The following TSPEAR variants were observed in gnomAD, a reference collection of about 807,000 sequenced individuals.
The protein encoded by TSPEAR is thrombospondin type laminin G domain and EAR repeats.
TSPEAR carries 69 observed loss-of-function variants against 71.6 expected under a neutral mutation model. The ratio of observed to expected loss-of-function variants is 0.96; its 90% CI spans 0.79 to 1.18. The LOEUF is 1.18. Ranked by LOEUF, TSPEAR falls within the 50% of genes most tolerant of loss-of-function variation. TSPEAR has a pLI of 0.00. For synonymous variants in TSPEAR, 402 were observed against 387.2 expected (o/e 1.04, Z -0.45); for missense variants, 971 against 894.9 (o/e 1.09, Z -1.09).
intron 11 of TSPEAR, among the ~76,000 whole-genome samples, chr21:44,501,734 C>T (rs1311046317): frequency 1.3e-5 from 2 of 152,180 alleles, no homozygotes; most frequent in African/African-American, 2.4e-5. Flanking sequence ...CACTGCACTT[C>T]AGCCTGGGCT....
chr21:44,638,878 A>T (rs1447675674), intron 1 of TSPEAR, among the ~76,000 whole-genome samples: 1 of 151,932 alleles, frequency 6.6e-6, no homozygotes, highest in Non-Finnish European at 1.5e-5. Context: ...TCCACCCAGC[A>T]GCCTCACCCC....
At chr21:44,699,184 G>A (rs1209422776) in intron 1 of TSPEAR, among the ~76,000 whole-genome samples, 1 of 151,994 alleles carries the variant, frequency 6.6e-6, no homozygotes, top group Non-Finnish European at 1.5e-5. Context: ...ACGACAGAGT[G>A]AGACCCTGTC....
chr21:44,646,192 A>C (rs1325986327), intron 1 of TSPEAR, among the ~76,000 whole-genome samples: 1 of 151,916 alleles, frequency 6.6e-6, no homozygotes, highest in Non-Finnish European at 1.5e-5. Flanking sequence ...GCCAAAATAA[A>C]AACTGATGAA....
At position 44,630,789 on chromosome 21, in the gene TSPEAR, T is replaced by G. The variant is rs143159967; in HGVS notation, c.83-62784A>C. On this transcript the variant is annotated intron_variant, in intron 1 of 11. Coordinates refer to ENST00000323084, the MANE Select transcript of TSPEAR (RefSeq NM_144991.3). ...TAAAGACTGGGAAAAAAACATCTTT[T>G]GACTCCAGGTGTTTAAGAAACTCTG... Among the ~76,000 whole-genome samples, 517 of 152,346 alleles carry G rather than the reference T, an allele frequency of 3.4e-3. 2 individuals carry two copies. The highest frequency in any genetic ancestry group is 5.8e-3 in the Non-Finnish European group (393 of 68,038).
At chr21:44,690,359 GA>G (rs1987076159) in intron 1 of TSPEAR, among the ~76,000 whole-genome samples, 1 of 152,158 alleles carries the variant, frequency 6.6e-6, no homozygotes, top group Non-Finnish European at 1.5e-5. Flanking sequence ...GTGATGCCAA[GA>G]AAAATGAACG....
intron 1 of TSPEAR, among the ~76,000 whole-genome samples, chr21:44,611,020 C>G (rs1341859577): frequency 1.3e-5 from 2 of 152,140 alleles, no homozygotes; most frequent in Non-Finnish European, 2.9e-5. Flanking sequence ...TAGGAAGAAA[C>G]TAGCTTGTTT....
chr21:44,651,979 CTTTTTTTT>C (rs60867977), intron 1 of TSPEAR, among the ~76,000 whole-genome samples: 2 of 124,522 alleles, frequency 1.6e-5, no homozygotes, highest in East Asian at 2.4e-4. Flanking sequence ...ATAAAACTTT[CTTTTTTTT>C]TTTTTTTTTT....
At chr21:44,676,985 CT>C in intron 1 of TSPEAR, 1 of 929,954 alleles carries the variant, frequency 1.1e-6, no homozygotes, top group Non-Finnish European at 1.8e-6. Context: ...ACGCTCATTC[CT>C]TTCCACCCAG....
intron 5 of TSPEAR, 41 bp downstream of exon 5, chr21:44,529,757 C>T (rs1569167072): frequency 6.2e-7 from 1 of 1,610,830 alleles, no homozygotes. Context: ...AGGGCTCTCG[C>T]ATCTGCCTTT....
Position 44,498,703 on chromosome 21 carries a change from C to T in TSPEAR, c.*1080G>A, listed in dbSNP as rs1234649518. On this transcript the variant is annotated 3_prime_UTR_variant, in exon 12 of 12. Coordinates refer to ENST00000323084, the MANE Select transcript of TSPEAR (RefSeq NM_144991.3). ...CACATTGTAAACTCTCTGAGGATCG[C>T]TCCTGTTCCGATTTGTGTTGCAGAA... 3 of 152,318 alleles carry T rather than the reference C, an allele frequency of 2.0e-5. No homozygotes were observed. Among genetic ancestry groups the T allele is most frequent in the African/African-American group, 2.4e-5 (1 of 41,456 alleles). 9.4% of individuals were successfully genotyped at this position (152,318 alleles called of 1,614,324 possible).
chr21:44,544,616 G>A (rs1340632495), intron 2 of TSPEAR, among the ~76,000 whole-genome samples: 1 of 152,160 alleles, frequency 6.6e-6, no homozygotes. Flanking sequence ...TGTTTTATTA[G>A]GCCATCATAA....
At position 44,525,824 on chromosome 21, in the gene TSPEAR, C is replaced by T. The variant is rs1216849745; in HGVS notation, c.1165G>A (p.Ala389Thr). Reference sequence around the variant, plus strand: ...CCCTTCTCATCTGGTTCAAAATTAGCCACTGCCAGGAAGATCTGAAAGAGA... The same window carrying T: ...CCCTTCTCATCTGGTTCAAAATTAGTCACTGCCAGGAAGATCTGAAAGAGA... ...TIGKKIFLAV[A>T]NFEPDEKGQE... Residue 389 changes from alanine to threonine, a missense_variant, in exon 8 of 12, where the codon GCT (alanine) becomes ACT (threonine). By Grantham distance (58) the Ala-to-Thr change is moderately conservative (BLOSUM62 0). Coordinates refer to ENST00000323084, the MANE Select transcript of TSPEAR (RefSeq NM_144991.3). 5.0e-6 allele frequency: 8 copies of T among 1,613,950 alleles called. No individual in the cohort carries two copies. The African/African-American group carries it at 8.0e-5, about 16-fold the overall frequency.
intron 1 of TSPEAR, among the ~76,000 whole-genome samples, chr21:44,628,898 A>C (rs1983080124): frequency 6.6e-6 from 1 of 151,620 alleles, no homozygotes; most frequent in African/African-American, 2.4e-5. Context: ...AGAGCAGAGA[A>C]CAGACACGTG....
chr21:44,513,891 G>T (rs1250896137), intron 9 of TSPEAR, among the ~76,000 whole-genome samples: 1 of 152,172 alleles, frequency 6.6e-6, no homozygotes, highest in Non-Finnish European at 1.5e-5. Flanking sequence ...GCTCAGGCTG[G>T]ACAAGCATCC....
chr21:44,625,585 G>C (rs1342833161), intron 1 of TSPEAR, among the ~76,000 whole-genome samples: 1 of 152,250 alleles, frequency 6.6e-6, no homozygotes, highest in East Asian at 1.9e-4. Flanking sequence ...CTGAAACCCA[G>C]TCCTATCCCC....
intron 1 of TSPEAR, among the ~76,000 whole-genome samples, chr21:44,643,505 C>T (rs188802761): frequency 2.6e-5 from 4 of 152,220 alleles, no homozygotes; most frequent in East Asian, 3.9e-4. Context: ...TGTATCAAGA[C>T]GTCATGTTGT....
At chr21:44,684,683 G>A (rs1986773766) in intron 1 of TSPEAR, among the ~76,000 whole-genome samples, 1 of 152,048 alleles carries the variant, frequency 6.6e-6, no homozygotes, top group African/African-American at 2.4e-5. Context: ...CTGACCTGCA[G>A]GAAGGAGTAA....
In TSPEAR at chr21:44,594,812, C is replaced by T. The variant is rs587758081; in HGVS notation, c.83-26807G>A. On this transcript the variant is annotated intron_variant, in intron 1 of 11. Transcript: ENST00000323084. Reference sequence around the variant, plus strand: ...AGTCTCCTCTTTTTTTCCAAACTTACGGATCTGTGATTTTTTTTTTTTTTT... The same window carrying T: ...AGTCTCCTCTTTTTTTCCAAACTTATGGATCTGTGATTTTTTTTTTTTTTT... 4.3e-5 allele frequency among the ~76,000 whole-genome samples: 6 copies of T among 140,082 alleles called. No homozygotes were observed. The East Asian group carries it at 6.4e-4, about 15-fold the overall frequency. 91.9% of individuals were successfully genotyped at this position (140,082 alleles called of 152,430 possible).
intron 1 of TSPEAR, among the ~76,000 whole-genome samples, chr21:44,607,706 C>T (rs1555930105): frequency 6.6e-6 from 1 of 152,058 alleles, no homozygotes; most frequent in Non-Finnish European, 1.5e-5. Flanking sequence ...TGACCAATAC[C>T]GAGTGTCAGC....
Sources: gnomAD v4.1 joint callset for allele counts (sites outside exome capture counted in the v4.1 genomes callset) on GRCh38, gnomAD v4.1.1 for gene constraint, MANE v1.5 for transcripts, NCBI Gene and HGNC (gene_info 2026-07-23, HGNC 2026-07-21) for gene names.